CTDP1: variants seen among roughly 807,000 people sequenced by gnomAD.
CTDP1 encodes CTD phosphatase 1.
CTDP1 carries 47 observed loss-of-function variants against 91.8 expected under a neutral mutation model. That is an observed-to-expected ratio of 0.51 (90% CI 0.41 to 0.65). The LOEUF (loss-of-function observed/expected upper bound fraction) is 0.65. Among genes scored for constraint, CTDP1 ranks in the 30% least tolerant of loss-of-function variants. CTDP1 has a pLI of 0.00. For synonymous variants in CTDP1, 656 were observed against 598.5 expected (o/e 1.10, Z -1.40); for missense variants, 1,272 against 1,373.7 (o/e 0.93, Z 1.17).
intron 1 of CTDP1, among the ~76,000 whole-genome samples, chr18:79,689,199 G>A (rs1356186295): frequency 6.6e-6 from 1 of 152,162 alleles, no homozygotes; most frequent in Admixed American, 6.5e-5. Context: ...GCCTGGTTTA[G>A]TAGGACATCC....
chr18:79,726,908 T>C (rs1015366287), intron 10 of CTDP1, among the ~76,000 whole-genome samples: 2 of 33,548 alleles, frequency 6.0e-5, no homozygotes, highest in African/African-American at 8.8e-5. Flanking sequence ...GCTGTCGGGG[T>C]GGGATGACGC....
intron 8 of CTDP1, among the ~76,000 whole-genome samples, chr18:79,716,329 T>G (rs1428104722): frequency 6.6e-6 from 1 of 152,046 alleles, no homozygotes; most frequent in Non-Finnish European, 1.5e-5. Context: ...GCAGGTGTGG[T>G]CTTATTTGAG....
intron 10 of CTDP1, among the ~76,000 whole-genome samples, chr18:79,723,703 A>G (rs2086391563): frequency 6.6e-6 from 1 of 152,130 alleles, no homozygotes; most frequent in Admixed American, 6.5e-5. Flanking sequence ...CAGGCTCACC[A>G]CTAGGACCCA....
Position 79,679,814 on chromosome 18 carries a change from G to A in CTDP1, c.-134G>A. ...ACGCGCCCTCCAGGAAGTCGGCGCG[G>A]GCTAGGCGACGGGTGGAAGCCGGTA... On this transcript the variant is annotated 5_prime_UTR_variant, in exon 1 of 13. Coordinates refer to ENST00000613122, the MANE Select transcript of CTDP1 (RefSeq NM_004715.5). The A allele has an allele frequency of 1.1e-6, 1 of 871,768 alleles. No individual in the cohort carries two copies. The highest frequency in any genetic ancestry group is 1.6e-6 in the Non-Finnish European group (1 of 608,176). 54.0% of individuals were successfully genotyped at this position (871,768 alleles called of 1,614,324 possible).
chr18:79,687,477 G>A (rs1349473172), intron 1 of CTDP1, among the ~76,000 whole-genome samples: 6 of 132,342 alleles, frequency 4.5e-5, no homozygotes, highest in Non-Finnish European at 6.4e-5. Context: ...GGCCTGCACC[G>A]CAGCAGTTGG....
chr18:79,736,418 CAGG>C lies in CTDP1; in HGVS notation c.2653_2655del (p.Glu885del), dbSNP rs1201063909. ...CAGCGAGAAGAGGAGGCCTGAGGAG[CAGG>C]AGGAGGAGCCCCAGCCCCGGAAGCC... is the stretch of plus-strand genomic sequence containing the variant. On this transcript the variant is annotated inframe_deletion, in exon 12 of 13. Transcript: ENST00000613122. 1.9e-6 allele frequency: 3 copies of C among 1,549,352 alleles called. No homozygotes were observed. Among genetic ancestry groups the C allele is most frequent in the East Asian group, 2.4e-5 (1 of 40,932 alleles).
At chr18:79,684,017 C>G (rs1032407902) in intron 1 of CTDP1, among the ~76,000 whole-genome samples, 5 of 152,260 alleles carry the variant, frequency 3.3e-5, no homozygotes, top group African/African-American at 1.2e-4. Context: ...TCTTTGAAAA[C>G]ATAGCATTAA....
chr18:79,711,701 C>T (rs1395321603), intron 6 of CTDP1, among the ~76,000 whole-genome samples: 4 of 152,184 alleles, frequency 2.6e-5, no homozygotes, highest in Non-Finnish European at 2.9e-5. Flanking sequence ...CTATTATGCC[C>T]ATATTTTTGC....
At chr18:79,687,275 C>G (rs2085520349) in intron 1 of CTDP1, among the ~76,000 whole-genome samples, 1 of 125,022 alleles carries the variant, frequency 8.0e-6, no homozygotes, top group South Asian at 3.0e-4. Context: ...TGGGCCTGCA[C>G]CAGAGCAGTT....
chr18:79,736,870 C>T (rs2086680330), intron 12 of CTDP1, among the ~76,000 whole-genome samples: 1 of 148,098 alleles, frequency 6.8e-6, no homozygotes, highest in South Asian at 2.2e-4. Flanking sequence ...TGTGAGGTAT[C>T]TACACGTGCG....
intron 4 of CTDP1, chr18:79,703,204 A>G (rs968938573): frequency 2.6e-5 from 4 of 152,248 alleles, no homozygotes; most frequent in African/African-American, 9.6e-5. Context: ...TTAGAGCTAG[A>G]AAAATGTAAC....
At chr18:79,708,707 A>G (rs1190382289) in intron 5 of CTDP1, among the ~76,000 whole-genome samples, 1 of 152,276 alleles carries the variant, frequency 6.6e-6, no homozygotes, top group Non-Finnish European at 1.5e-5. Flanking sequence ...CCTGCGTGCC[A>G]TGACAAGACC....
intron 1 of CTDP1, among the ~76,000 whole-genome samples, chr18:79,686,743 G>A (rs934239952): frequency 6.6e-6 from 1 of 152,290 alleles, no homozygotes; most frequent in Non-Finnish European, 1.5e-5. Flanking sequence ...TGCAGTTAGC[G>A]AGTTGATACC....
chr18:79,687,748 A>G (rs1336483995), intron 1 of CTDP1, among the ~76,000 whole-genome samples: 1 of 152,270 alleles, frequency 6.6e-6, no homozygotes, highest in East Asian at 1.9e-4. Flanking sequence ...TGAGCATACC[A>G]CCAGGGGGTT....
intron 11 of CTDP1, 173 bp from the exon 12 acceptor site, chr18:79,736,182 C>G: frequency 1.3e-6 from 1 of 793,414 alleles, no homozygotes; most frequent in Non-Finnish European, 2.1e-6. Context: ...TTGCCCGGGG[C>G]TTTGTTAAGG....
chr18:79,679,898 T>G lies in CTDP1; in HGVS notation c.-50T>G, dbSNP rs1014087632. ...TGTCGCCGCGGTAGGCGCTGCGCTC[T>G]GAGCGCAGCGCAGGCCCCGTACCGA... On this transcript the variant is annotated 5_prime_UTR_variant, in exon 1 of 13. Coordinates refer to ENST00000613122, the MANE Select transcript of CTDP1 (RefSeq NM_004715.5). 5 of 1,303,838 alleles carry G rather than the reference T, an allele frequency of 3.8e-6. No homozygotes were observed. Among genetic ancestry groups the G allele is most frequent in the Non-Finnish European group, 4.9e-6 (5 of 1,016,788 alleles). The allele number at this position is 1,303,838 out of a possible 1,614,324, so 80.8% of individuals were successfully genotyped here.
intron 10 of CTDP1, among the ~76,000 whole-genome samples, chr18:79,722,973 C>T (rs1176050872): frequency 2.6e-5 from 4 of 152,198 alleles, no homozygotes; most frequent in Non-Finnish European, 5.9e-5. Context: ...CCAAGAGTCC[C>T]CCCTGCTTGT....
At chr18:79,726,847 C>T (rs114902210) in intron 10 of CTDP1, among the ~76,000 whole-genome samples, 6 of 71,690 alleles carry the variant, frequency 8.4e-5, no homozygotes, top group East Asian at 3.6e-4. Flanking sequence ...GGGGTGACGC[C>T]ATTGCTGGTG....
rs115564654 is a variant in CTDP1, at chr18:79,695,000, G to C, written c.315-225G>C. The stretch of plus-strand genomic sequence containing the variant: ...TCCACGGGTGGCACGGGGGTGGTGA[G>C]GTGTGGTGGCGTGTCATTTTTCATG... On this transcript the variant is annotated intron_variant, in intron 1 of 12. Transcript: ENST00000613122. Among the ~76,000 whole-genome samples, 2,637 of 152,218 alleles carry C rather than the reference G, an allele frequency of 0.017. 88 individuals are homozygous for C. Among genetic ancestry groups the C allele is most frequent in the African/African-American group, 0.06 (2,486 of 41,492 alleles).
Sources: allele counts gnomAD v4.1 joint callset (sites outside exome capture counted in the v4.1 genomes callset), GRCh38; gene constraint gnomAD v4.1.1; transcripts MANE v1.5; gene names NCBI Gene and HGNC (gene_info 2026-07-23, HGNC 2026-07-21).